The following CNIH4 variants were observed in gnomAD, a reference collection of about 807,000 sequenced individuals.
CNIH4 encodes cornichon family member 4, also known as protein cornichon homolog 4.
Under a neutral mutation model 21.5 loss-of-function variants are expected in CNIH4, and 9 were observed. The observed-to-expected ratio is 0.42, with a 90% CI of 0.25 to 0.73. The LOEUF (loss-of-function observed/expected upper bound fraction) is 0.73. Ranked by LOEUF, CNIH4 falls within the 30% of genes least tolerant of loss-of-function variation. The pLI, the probability that CNIH4 is intolerant of heterozygous loss-of-function variation, is 0.27. For missense variants in CNIH4, 159 were observed against 170.0 expected, an observed-to-expected ratio of 0.94 and a Z score of 0.36; for synonymous variants, 67 against 59.1, an observed-to-expected ratio of 1.13 and a Z score of -0.61.
intron 2 of CNIH4, among the ~76,000 whole-genome samples, chr1:224,365,244 A>C (rs1272138394): frequency 6.6e-6 from 1 of 152,214 alleles, no homozygotes; most frequent in Non-Finnish European, 1.5e-5. Flanking sequence ...TGGTGAATTG[A>C]GAACCCTGCC....
Position 224,376,998 on chromosome 1 carries a change from G to A in CNIH4, c.*1176G>A, listed in dbSNP as rs543285877. Reference sequence around the variant, plus strand: ...ATTCACTCTAGTTGAGATAGAATTGGGTGGCTAAACAGGGTGTGTGGTACC... The same window carrying A: ...ATTCACTCTAGTTGAGATAGAATTGAGTGGCTAAACAGGGTGTGTGGTACC... On this transcript the variant is annotated 3_prime_UTR_variant, in exon 5 of 5. Transcript: ENST00000465271. 1 of 839,282 alleles carries A rather than the reference G, an allele frequency of 1.2e-6. No individual in the cohort carries two copies. Among genetic ancestry groups the A allele is most frequent in the East Asian group, 1.2e-4 (1 of 8,112 alleles). 52.0% of individuals were successfully genotyped at this position (839,282 alleles called of 1,614,324 possible).
At position 224,360,533 on chromosome 1, in the gene CNIH4, T is replaced by C. The variant is rs773044988; in HGVS notation, c.108T>C (p.Asn36=). 6 of 1,489,246 alleles carry C rather than the reference T, an allele frequency of 4.0e-6. No homozygotes were observed. In the East Asian group the frequency reaches 1.5e-4, roughly 37 times the overall value. The allele number at this position is 1,489,246 out of a possible 1,614,324, so 92.3% of individuals were successfully genotyped here. ...TLSDLECDYI[N]ARSCCSKLNK... Reference sequence around the variant, plus strand: ...CTGATTTAGAATGTGATTACATTAATGCTAGATCATGTTGCTCAAAATTAA... The same window carrying C: ...CTGATTTAGAATGTGATTACATTAACGCTAGATCATGTTGCTCAAAATTAA... Residue 36 remains asparagine (N), a synonymous_variant, in exon 2 of 5, where the codon AAT becomes AAC. Coordinates refer to ENST00000465271, the MANE Select transcript of CNIH4 (RefSeq NM_014184.4).
chr1:224,376,836 CTGTT>C lies in CNIH4; in HGVS notation c.*1017_*1020del. 2 of 985,404 alleles carry C rather than the reference CTGTT, an allele frequency of 2.0e-6. No homozygotes were observed. Among genetic ancestry groups the C allele is most frequent in the Non-Finnish European group, 2.4e-6 (2 of 829,914 alleles). 61.0% of individuals were successfully genotyped at this position (985,404 alleles called of 1,614,324 possible). On this transcript the variant is annotated 3_prime_UTR_variant, in exon 5 of 5. Transcript: ENST00000465271. ...GGGAGAGCAGTTCACCTCCTTAGCT[CTGTT>C]TGCCAGCTCTTACAGGGTAAAATAA...
At chr1:224,373,720 C>T (rs1558401282) in intron 4 of CNIH4, among the ~76,000 whole-genome samples, 2 of 151,738 alleles carry the variant, frequency 1.3e-5, no homozygotes, top group Admixed American at 6.6e-5. Flanking sequence ...CCCAGCTACT[C>T]GGGAGGCTGA....
At chr1:224,364,154 G>C in intron 2 of CNIH4, 22 of 982,432 alleles carry the variant, frequency 2.2e-5, no homozygotes, top group Non-Finnish European at 2.7e-5. Flanking sequence ...TTGGGAGGCC[G>C]AGGAGGGAGA....
At position 224,379,321 on chromosome 1, in the gene CNIH4, T is replaced by C. The variant is rs1424882212; in HGVS notation, c.*3499T>C. 1.6e-5 allele frequency: 9 copies of C among 572,334 alleles called. No homozygotes were observed. The highest frequency in any genetic ancestry group is 2.5e-5 in the Non-Finnish European group (8 of 318,774). 35.5% of individuals were successfully genotyped at this position (572,334 alleles called of 1,614,324 possible). On this transcript the variant is annotated 3_prime_UTR_variant, in exon 5 of 5. Coordinates refer to ENST00000465271, the MANE Select transcript of CNIH4 (RefSeq NM_014184.4). ...ATTACAGTTATTTGTATGCAATTAA[T>C]CACTCTTAGATTGTATGTTCCTGGA...
intron 4 of CNIH4, among the ~76,000 whole-genome samples, chr1:224,374,575 C>T (rs527775699): frequency 1.1e-4 from 17 of 152,034 alleles, no homozygotes; most frequent in South Asian, 2.1e-4. Flanking sequence ...CCACCATGCC[C>T]GGCTAATTTT....
intron 1 of CNIH4, among the ~76,000 whole-genome samples, chr1:224,358,509 T>C (rs1344810762): frequency 6.6e-6 from 1 of 152,232 alleles, no homozygotes; most frequent in Non-Finnish European, 1.5e-5. Flanking sequence ...CTGCATGTGG[T>C]CCAGGACAGC....
intron 3 of CNIH4, among the ~76,000 whole-genome samples, chr1:224,369,855 T>G (rs941812978): frequency 1.3e-5 from 2 of 151,914 alleles, no homozygotes; most frequent in Non-Finnish European, 2.9e-5. Context: ...TTTGTATTTT[T>G]AGTAGCAATG....
intron 3 of CNIH4, among the ~76,000 whole-genome samples, chr1:224,370,514 G>A (rs1672592042): frequency 6.6e-6 from 1 of 152,176 alleles, no homozygotes; most frequent in Non-Finnish European, 1.5e-5. Flanking sequence ...CAGTCTGGAT[G>A]TTGAAGCCCA....
rs1399276012 is a variant in CNIH4, at chr1:224,379,086, G to A, written c.*3264G>A. On this transcript the variant is annotated 3_prime_UTR_variant, in exon 5 of 5. Transcript: ENST00000465271. Reference sequence around the variant, plus strand: ...CCTTTCAGTGGTAGCAACTGCCCTTGCTAATCACCGTAACCTCGGCTGAGA... The same window carrying A: ...CCTTTCAGTGGTAGCAACTGCCCTTACTAATCACCGTAACCTCGGCTGAGA... The A allele has an allele frequency of 1.3e-6, 2 of 1,550,526 alleles. No homozygotes were observed. Among genetic ancestry groups the A allele is most frequent in the South Asian group, 2.4e-5 (2 of 84,064 alleles).
chr1:224,369,299 G>T (rs1026437815), intron 3 of CNIH4, among the ~76,000 whole-genome samples: 32 of 152,054 alleles, frequency 2.1e-4, no homozygotes, highest in African/African-American at 7.7e-4. Context: ...AGAGATGAGC[G>T]CAGTGGCTCA....
chr1:224,372,236 T>C lies in CNIH4; in HGVS notation c.392+813T>C, dbSNP rs1368918077. Among the ~76,000 whole-genome samples the C allele has an allele frequency of 1.2e-4, 18 of 152,200 alleles. 1 individual carries two copies. Among genetic ancestry groups the C allele is most frequent in the Admixed American group, 1.2e-3 (18 of 15,272 alleles). On this transcript the variant is annotated intron_variant, in intron 4 of 4. Coordinates refer to ENST00000465271, the MANE Select transcript of CNIH4 (RefSeq NM_014184.4). ...AATATGATAGATTGGCTGTCAGACA[T>C]TGGAAGCCTTATATAGTCCTGTTTT... is the stretch of plus-strand genomic sequence containing the variant.
chr1:224,368,980 A>T lies in CNIH4; in HGVS notation c.252-2303A>T, dbSNP rs771605698. ...GATATTTTTTTCCTGCCCTAGTAGT[A>T]TACAGCTGTAGAGTTCCCCTGCCTG... On this transcript the variant is annotated intron_variant, in intron 3 of 4. Transcript: ENST00000465271. 2.0e-5 allele frequency among the ~76,000 whole-genome samples: 3 copies of T among 150,014 alleles called. No homozygotes were observed. The South Asian group carries it at 6.3e-4, about 31-fold the overall frequency.
intron 4 of CNIH4, among the ~76,000 whole-genome samples, chr1:224,375,296 GCTGTGCAA>G (rs1261726561): frequency 6.6e-6 from 1 of 152,182 alleles, no homozygotes; most frequent in Non-Finnish European, 1.5e-5. Context: ...GTGGAAGGAG[GCTGTGCAA>G]CTGCCCTGGG....
chr1:224,363,613 C>T (rs1672364160), intron 2 of CNIH4, among the ~76,000 whole-genome samples: 1 of 152,154 alleles, frequency 6.6e-6, no homozygotes, highest in Admixed American at 6.6e-5. Flanking sequence ...ATGTGCACCA[C>T]CATGCCTGGC....
At chr1:224,370,318 C>T (rs1011331246) in intron 3 of CNIH4, among the ~76,000 whole-genome samples, 4 of 151,968 alleles carry the variant, frequency 2.6e-5, no homozygotes, top group South Asian at 2.1e-4. Flanking sequence ...CAGCTATAGT[C>T]GGGCTACTGG....
In CNIH4 at chr1:224,378,579, A is replaced by G. The variant is rs1164665578; in HGVS notation, c.*2757A>G. 1 of 142,808 alleles carries G rather than the reference A, an allele frequency of 7.0e-6. No homozygotes were observed. Among genetic ancestry groups the G allele is most frequent in the East Asian group, 2.1e-4 (1 of 4,782 alleles). The allele number at this position is 142,808 out of a possible 1,614,324, so 8.8% of individuals were successfully genotyped here. On this transcript the variant is annotated 3_prime_UTR_variant, in exon 5 of 5. Coordinates refer to ENST00000465271, the MANE Select transcript of CNIH4 (RefSeq NM_014184.4). ...AACATCTGAATGCTGAGGCCTAGAG[A>G]TCGTTCAGGGTGTTGTAACTGGGAA...
chr1:224,367,048 CA>C (rs1672483256), intron 3 of CNIH4, among the ~76,000 whole-genome samples: 2 of 151,664 alleles, frequency 1.3e-5, no homozygotes, highest in South Asian at 2.1e-4. Flanking sequence ...AAAATGAGCT[CA>C]ATGGAAACCC....
Sources: allele counts gnomAD v4.1 joint callset (sites outside exome capture counted in the v4.1 genomes callset), GRCh38; gene constraint gnomAD v4.1.1; transcripts MANE v1.5; gene names NCBI Gene and HGNC (gene_info 2026-07-23, HGNC 2026-07-21).